Variants in MYL1 observed in about 807,000 individuals in gnomAD.
MYL1 encodes myosin light chain 1/3, skeletal muscle isoform.
In MYL1, 16 loss-of-function variants were observed where a neutral mutation model predicts 21.8. The ratio of observed to expected loss-of-function variants is 0.74; its 90% CI spans 0.50 to 1.12. MYL1 has a LOEUF of 1.12. Among genes scored for constraint, MYL1 ranks in the 50% most tolerant of loss-of-function variants. The pLI is 0.00. For synonymous variants in MYL1, 99 were observed against 85.2 expected (o/e 1.16, Z -0.89); for missense variants, 246 against 241.0 (o/e 1.02, Z -0.14).
At position 210,300,151 on chromosome 2, in the gene MYL1, A is replaced by G. The variant is rs545152156; in HGVS notation, c.161-1588T>C. 9.2e-5 allele frequency among the ~76,000 whole-genome samples: 14 copies of G among 152,270 alleles called. No homozygotes were observed. In the South Asian group the frequency reaches 2.5e-3, roughly 27 times the overall value. On this transcript the variant is annotated intron_variant, in intron 2 of 6. Coordinates refer to ENST00000352451, the MANE Select transcript of MYL1 (RefSeq NM_079420.3). ...CTGAACTATTCTTGTTACTGGCTTC[A>G]GGCTTTCATGGACAGACTGCTCAGC...
At chr2:210,302,559 A>G (rs759873503) in intron 1 of MYL1, 44 bp from the exon 2 acceptor site, 3 of 1,591,552 alleles carry the variant, frequency 1.9e-6, no homozygotes, top group Non-Finnish European at 2.6e-6. Flanking sequence ...TAACCAAACA[A>G]AAATGTGCTG....
chr2:210,294,849 T>C (rs7558394), intron 3 of MYL1, among the ~76,000 whole-genome samples: 71,295 of 151,990 alleles, frequency 0.47, 16,875 homozygotes, highest in Middle Eastern at 0.63. Context: ...AATAGAAAAA[T>C]GCACTGAGAT....
At chr2:210,295,878 A>G (rs1453599082) in intron 3 of MYL1, among the ~76,000 whole-genome samples, 2 of 151,712 alleles carry the variant, frequency 1.3e-5, no homozygotes, top group South Asian at 2.1e-4. Flanking sequence ...GGTTTGCCCT[A>G]TTGCTTGCTC....
In MYL1 at chr2:210,291,061, G is replaced by A. The variant is rs200558852; in HGVS notation, c.570C>T (p.His190=). The A allele has an allele frequency of 1.9e-6, 3 of 1,609,674 alleles. No individual in the cohort carries two copies. The East Asian group carries it at 6.7e-5, about 36-fold the overall frequency. The change falls in exon 6 of 7, where the codon CAC becomes CAT. Residue 190 remains histidine (H), a synonymous_variant. Transcript: ENST00000352451. The part of the protein sequence containing the change: ...GCINYEAFVK[H]IMSI ...AGAGCTCCATTCAGATAGACATGAT[G>A]TGCTTGACAAAAGCTGTAGGAGCAA...
intron 1 of MYL1, chr2:210,303,430 T>C: frequency 3.2e-6 from 3 of 925,516 alleles, no homozygotes; most frequent in Non-Finnish European, 4.8e-6. Context: ...AAGACTCATA[T>C]TGAATATGTT....
chr2:210,303,799 A>G (rs1690300335), intron 1 of MYL1, among the ~76,000 whole-genome samples: 1 of 152,202 alleles, frequency 6.6e-6, no homozygotes, highest in South Asian at 2.1e-4. Context: ...TGGAGTAGAC[A>G]GCCATAGTGA....
chr2:210,294,546 A>G, intron 3 of MYL1, 128 bp from the exon 4 acceptor site: 1 of 808,194 alleles, frequency 1.2e-6, no homozygotes, highest in Non-Finnish European at 1.9e-6. Context: ...CAGCTGGTAA[A>G]TTGCTAAAAT....
chr2:210,293,940 T>C, intron 4 of MYL1, 140 bp from the exon 5 acceptor site: 1 of 751,988 alleles, frequency 1.3e-6, no homozygotes, highest in Non-Finnish European at 2.2e-6. Flanking sequence ...TGGTACTTAA[T>C]ATATTGTCAA....
chr2:210,304,788 A>G (rs1376197724), intron 1 of MYL1, among the ~76,000 whole-genome samples: 1 of 152,196 alleles, frequency 6.6e-6, no homozygotes, highest in East Asian at 1.9e-4. Flanking sequence ...TCAAGCCATC[A>G]TCCTGCCCAT....
chr2:210,292,704 A>C (rs1690098337), intron 5 of MYL1, among the ~76,000 whole-genome samples: 1 of 152,120 alleles, frequency 6.6e-6, no homozygotes, highest in South Asian at 2.1e-4. Flanking sequence ...AACCACTCCA[A>C]AGTTATAAAA....
chr2:210,305,049 T>C (rs777538922), intron 1 of MYL1, among the ~76,000 whole-genome samples: 3 of 152,328 alleles, frequency 2.0e-5, no homozygotes, highest in East Asian at 1.9e-4. Flanking sequence ...ATAATGTATA[T>C]TGGAGATTAA....
At chr2:210,313,123 A>G (rs1379641714) in intron 1 of MYL1, among the ~76,000 whole-genome samples, 2 of 152,022 alleles carry the variant, frequency 1.3e-5, no homozygotes, top group Non-Finnish European at 2.9e-5. Flanking sequence ...CTCACCTGCC[A>G]AACAATTTTT....
intron 1 of MYL1, among the ~76,000 whole-genome samples, chr2:210,304,479 G>T (rs1036297336): frequency 4.6e-5 from 7 of 151,944 alleles, no homozygotes; most frequent in Non-Finnish European, 8.8e-5. Context: ...CTATGGCTCA[G>T]TCCCTAGACC....
At chr2:210,305,160 T>C (rs1273306036) in intron 1 of MYL1, among the ~76,000 whole-genome samples, 1 of 152,220 alleles carries the variant, frequency 6.6e-6, no homozygotes, top group African/African-American at 2.4e-5. Flanking sequence ...TAACTTCTCC[T>C]GAAACCATTT....
At chr2:210,296,379 A>C (rs144818635) in intron 3 of MYL1, among the ~76,000 whole-genome samples, 1 of 152,330 alleles carries the variant, frequency 6.6e-6, no homozygotes, top group East Asian at 1.9e-4. Context: ...CACTAGAACT[A>C]TTCCTCCAAT....
chr2:210,293,237 T>C (rs893397727), intron 5 of MYL1, among the ~76,000 whole-genome samples: 1 of 152,034 alleles, frequency 6.6e-6, no homozygotes, highest in Non-Finnish European at 1.5e-5. Flanking sequence ...AATTAAACAA[T>C]TGGCAACTGT....
intron 1 of MYL1, among the ~76,000 whole-genome samples, chr2:210,308,954 G>T (rs1302655075): frequency 1.3e-5 from 2 of 152,036 alleles, no homozygotes; most frequent in Non-Finnish European, 2.9e-5. Context: ...AGTTCCTTTT[G>T]TGACCGCAGG....
rs532256233 is a variant in MYL1 at position 210,303,171 on chromosome 2, T to C, written c.133-656A>G. On this transcript the variant is annotated intron_variant, in intron 1 of 6. Coordinates refer to ENST00000352451, the MANE Select transcript of MYL1 (RefSeq NM_079420.3). ...TAAAAAAATAGTACACAAAACCCAA[T>C]GCATCAAAAGCAGTTTACTTAGTTT... is the stretch of plus-strand genomic sequence containing the variant. Among the ~76,000 whole-genome samples the C allele has an allele frequency of 1.5e-4, 23 of 152,286 alleles. No individual in the cohort carries two copies. The South Asian group carries it at 3.9e-3, about 26-fold the overall frequency.
rs578133325 is a variant in MYL1, at chr2:210,292,095, G to A, written c.557-1021C>T. Among the ~76,000 whole-genome samples the A allele has an allele frequency of 2.0e-5, 3 of 152,274 alleles. No individual in the cohort carries two copies. In the South Asian group the frequency reaches 6.2e-4, roughly 32 times the overall value. ...TATTATTATTATTATTTGAGATGGA[G>A]TCTTGCTCTGCCACCCAGGCTGGAG... is the stretch of plus-strand genomic sequence containing the variant. On this transcript the variant is annotated intron_variant, in intron 5 of 6. Transcript: ENST00000352451.
Sources: allele counts gnomAD v4.1 joint callset (sites outside exome capture counted in the v4.1 genomes callset), GRCh38; gene constraint gnomAD v4.1.1; transcripts MANE v1.5; gene names NCBI Gene and HGNC (gene_info 2026-07-23, HGNC 2026-07-21).